The following MYO16 variants were observed in gnomAD, a reference collection of about 807,000 sequenced individuals.
MYO16 encodes unconventional myosin-XVI.
MYO16 carries 94 observed loss-of-function variants against 205.3 expected under a neutral mutation model. The observed-to-expected ratio is 0.46, with a 90% CI of 0.39 to 0.54. MYO16 has a LOEUF of 0.54. Among genes scored for constraint, MYO16 ranks in the 20% least tolerant of loss-of-function variants. The probability of loss-of-function intolerance (pLI) is 0.00; values close to 1 mark genes in which losing one functional copy is unlikely to be tolerated. For missense variants in MYO16, 2,315 were observed against 2,387.5 expected, an observed-to-expected ratio of 0.97 and a Z score of 0.63; for synonymous variants, 988 against 954.0, an observed-to-expected ratio of 1.04 and a Z score of -0.66.
chr13:109,046,002 C>T (rs1169883335), intron 23 of MYO16, among the ~76,000 whole-genome samples: 2 of 152,114 alleles, frequency 1.3e-5, no homozygotes, highest in East Asian at 1.9e-4. Context: ...TCCCTCACGG[C>T]GGATGCTCGC....
chr13:109,185,285 T>A (rs1879635311), intron 34 of MYO16, among the ~76,000 whole-genome samples: 1 of 152,094 alleles, frequency 6.6e-6, no homozygotes, highest in South Asian at 2.1e-4. Context: ...TAGATAAGAA[T>A]CCCAGATTCA....
At chr13:108,944,543 G>A (rs758959353) in intron 16 of MYO16, among the ~76,000 whole-genome samples, 29 of 151,878 alleles carry the variant, frequency 1.9e-4, no homozygotes, top group Admixed American at 3.9e-4. Flanking sequence ...TTTTATTTTC[G>A]TAAATGTTGA....
At position 108,712,008 on chromosome 13, in the gene MYO16, A is replaced by G. The variant is rs538707950; in HGVS notation, c.293-653A>G. On this transcript the variant is annotated intron_variant, in intron 2 of 34. Transcript: ENST00000457511. ...AGTAGCAGAGAATGGAACACAATCA[A>G]TCAATCTCTTAATACTCTGTGGCAT... Among the ~76,000 whole-genome samples the G allele has an allele frequency of 2.0e-5, 3 of 152,240 alleles. 1 individual carries two copies. The highest frequency in any genetic ancestry group is 4.4e-5 in the Non-Finnish European group (3 of 68,038).
intron 2 of MYO16, among the ~76,000 whole-genome samples, chr13:108,674,109 G>T (rs149785372): frequency 5.9e-5 from 9 of 152,108 alleles, no homozygotes; most frequent in African/African-American, 2.2e-4. Flanking sequence ...TCTTCATTTA[G>T]AAGTTCATAG....
intron 16 of MYO16, among the ~76,000 whole-genome samples, chr13:108,942,658 G>T (rs1046556857): frequency 6.6e-6 from 1 of 152,000 alleles, no homozygotes; most frequent in African/African-American, 2.4e-5. Flanking sequence ...CTGTTCCCTT[G>T]GCTGATTTGT....
intron 15 of MYO16, among the ~76,000 whole-genome samples, chr13:108,903,242 G>A (rs532045427): frequency 5.3e-5 from 8 of 152,320 alleles, no homozygotes; most frequent in South Asian, 4.1e-4. Flanking sequence ...CTGGAATTGC[G>A]AACAGCATAT....
intron 1 of MYO16, among the ~76,000 whole-genome samples, chr13:108,648,358 C>T (rs1346682745): frequency 6.6e-6 from 1 of 152,150 alleles, no homozygotes; most frequent in Admixed American, 6.5e-5. Context: ...GCACACTCAA[C>T]CCCATGGCTA....
At chr13:108,585,742 G>T in the MYO16 span, among the ~76,000 whole-genome samples, 4 of 151,850 alleles carry the variant, frequency 2.6e-5, no homozygotes, top group Non-Finnish European at 5.9e-5. Context: ...CAATATATAG[G>T]GTCAAATGAA....
rs568247726 is a variant in MYO16, at chr13:108,800,381, T to G, written c.742-6298T>G. On this transcript the variant is annotated intron_variant, in intron 6 of 34. Coordinates refer to ENST00000457511, the MANE Select transcript of MYO16 (RefSeq NM_001198950.3). ...ACCTACACACAGTGGGAAGGGAAAG[T>G]GGACTCCTAACACACTAAGAGTGCT... Among the ~76,000 whole-genome samples the G allele has an allele frequency of 2.1e-3, 323 of 152,302 alleles. 2 individuals are homozygous for G. The highest frequency in any genetic ancestry group is 7.4e-3 in the African/African-American group (307 of 41,562).
intron 10 of MYO16, among the ~76,000 whole-genome samples, chr13:108,850,782 C>A: frequency 6.6e-6 from 1 of 152,180 alleles, no homozygotes; most frequent in East Asian, 1.9e-4. Flanking sequence ...ATGCAAGGAA[C>A]TCTTCCCTTG....
At chr13:108,812,675 C>A (rs1018654565) in intron 7 of MYO16, among the ~76,000 whole-genome samples, 1 of 152,048 alleles carries the variant, frequency 6.6e-6, no homozygotes, top group African/African-American at 2.4e-5. Flanking sequence ...TATGTGTCTC[C>A]CCAAAATTTG....
intron 3 of MYO16, among the ~76,000 whole-genome samples, chr13:108,721,642 G>A (rs910160043): frequency 2.0e-5 from 3 of 152,200 alleles, no homozygotes; most frequent in Admixed American, 1.3e-4. Context: ...TAGTACATAA[G>A]GATTGGGTAA....
chr13:108,565,528 A>G, the MYO16 span, among the ~76,000 whole-genome samples: 1 of 152,140 alleles, frequency 6.6e-6, no homozygotes, highest in Non-Finnish European at 1.5e-5. Flanking sequence ...TTGATTTTGA[A>G]TCCTGCATCT....
intron 16 of MYO16, among the ~76,000 whole-genome samples, chr13:108,956,508 G>T (rs1393445053): frequency 1.6e-5 from 2 of 127,688 alleles, no homozygotes; most frequent in African/African-American, 6.0e-5. Flanking sequence ...TCACTTCCAA[G>T]ACATGACAAA....
At chr13:109,191,471 G>C (rs1266394789) in intron 34 of MYO16, among the ~76,000 whole-genome samples, 1 of 152,132 alleles carries the variant, frequency 6.6e-6, no homozygotes, top group African/African-American at 2.4e-5. Context: ...GGTTGGGAGG[G>C]TCAGACTGGA....
intron 1 of MYO16, among the ~76,000 whole-genome samples, chr13:108,624,518 C>A (rs2139340693): frequency 6.6e-6 from 1 of 152,246 alleles, no homozygotes; most frequent in African/African-American, 2.4e-5. Flanking sequence ...TTAAGATATG[C>A]AAACTTTTGT....
rs114421601 is a variant in MYO16, at chr13:108,915,787, G to A, written c.1925+5637G>A. Among the ~76,000 whole-genome samples the A allele has an allele frequency of 2.0e-3, 306 of 152,254 alleles. 2 individuals are homozygous for A. The highest frequency in any genetic ancestry group is 7.0e-3 in the African/African-American group (289 of 41,530). ...TGCAGGATAACATTTGTGAGTAAAG[G>A]TCAAATTTTGAATGCTAAGTTGAAA... On this transcript the variant is annotated intron_variant, in intron 16 of 34. Coordinates refer to ENST00000457511, the MANE Select transcript of MYO16 (RefSeq NM_001198950.3).
chr13:108,779,797 C>G (rs192817237), intron 4 of MYO16: 1 of 152,314 alleles, frequency 6.6e-6, no homozygotes, highest in East Asian at 1.9e-4. Flanking sequence ...CCTGCTGTGT[C>G]CCTCCAGGGC....
At chr13:108,926,430 C>T (rs1882008880) in intron 16 of MYO16, among the ~76,000 whole-genome samples, 1 of 152,124 alleles carries the variant, frequency 6.6e-6, no homozygotes, top group Admixed American at 6.6e-5. Context: ...AGCATATAGG[C>T]ATCAAATTGC....
Sources: allele counts gnomAD v4.1 joint callset (sites outside exome capture counted in the v4.1 genomes callset), GRCh38; gene constraint gnomAD v4.1.1; transcripts MANE v1.5; gene names NCBI Gene and HGNC (gene_info 2026-07-23, HGNC 2026-07-21).